SAE1: variants seen among roughly 807,000 people sequenced by gnomAD.
SAE1 encodes the protein SUMO-activating enzyme subunit 1.
In SAE1, 11 loss-of-function variants were observed where a neutral mutation model predicts 40.6. The ratio of observed to expected loss-of-function variants is 0.27; its 90% CI spans 0.17 to 0.45. The LOEUF is 0.45. Ranked by LOEUF, SAE1 falls within the 20% of genes least tolerant of loss-of-function variation. SAE1 has a pLI of 1.00. For synonymous variants in SAE1, 155 were observed against 154.3 expected (o/e 1.00, Z -0.03); for missense variants, 373 against 427.3 (o/e 0.87, Z 1.12).
intron 1 of SAE1, chr19:47,135,545 C>T (rs762484132): frequency 1.3e-5 from 2 of 152,074 alleles, no homozygotes; most frequent in Non-Finnish European, 2.9e-5. Context: ...CTCTCTGTCG[C>T]GCAGACTAGA....
rs919017189 is a variant in SAE1 at position 47,144,515 on chromosome 19, C to T, written c.210+910C>T. On this transcript the variant is annotated intron_variant, in intron 2 of 8. Transcript: ENST00000270225. Reference sequence around the variant, plus strand: ...GAGATCGAGACCATCCTGGCTAGCACGGTGAAACCCCATCACTACTAAAGA... The same window carrying T: ...GAGATCGAGACCATCCTGGCTAGCATGGTGAAACCCCATCACTACTAAAGA... Among the ~76,000 whole-genome samples, 4 of 151,564 alleles carry T rather than the reference C, an allele frequency of 2.6e-5. No individual in the cohort carries two copies. The South Asian group carries it at 6.2e-4, about 24-fold the overall frequency.
At chr19:47,168,474 G>A (rs572047635) in intron 5 of SAE1, among the ~76,000 whole-genome samples, 9 of 152,008 alleles carry the variant, frequency 5.9e-5, no homozygotes, top group Admixed American at 5.9e-4. Context: ...CAGCTAACTT[G>A]TAGAGATTGG....
At chr19:47,151,300 C>T (rs1188597152) in intron 3 of SAE1, among the ~76,000 whole-genome samples, 1 of 151,340 alleles carries the variant, frequency 6.6e-6, no homozygotes, top group Non-Finnish European at 1.5e-5. Context: ...CAGGCACTCA[C>T]CACCATGCTG....
intron 5 of SAE1, among the ~76,000 whole-genome samples, chr19:47,164,063 C>T (rs1443305544): frequency 6.6e-6 from 1 of 152,202 alleles, no homozygotes; most frequent in African/African-American, 2.4e-5. Context: ...GCCATTGCAC[C>T]TGGCTTGTAT....
At chr19:47,150,880 T>C (rs550646588) in intron 3 of SAE1, among the ~76,000 whole-genome samples, 1 of 152,296 alleles carries the variant, frequency 6.6e-6, no homozygotes, top group Admixed American at 6.5e-5. Context: ...CATGTTGCCA[T>C]GGATAACTAG....
chr19:47,206,612 G>C (rs2058687937), intron 8 of SAE1, among the ~76,000 whole-genome samples: 1 of 152,178 alleles, frequency 6.6e-6, no homozygotes, highest in Non-Finnish European at 1.5e-5. Flanking sequence ...TCTATGGTAA[G>C]AGAGGTGATA....
At chr19:47,183,670 T>C (rs1441641019) in intron 6 of SAE1, among the ~76,000 whole-genome samples, 1 of 152,186 alleles carries the variant, frequency 6.6e-6, no homozygotes, top group Non-Finnish European at 1.5e-5. Flanking sequence ...AGCCTGTGTT[T>C]GAGCTGCTCA....
chr19:47,154,246 A>G (rs1174091253), intron 4 of SAE1, among the ~76,000 whole-genome samples: 5 of 151,368 alleles, frequency 3.3e-5, no homozygotes, highest in African/African-American at 1.2e-4. Flanking sequence ...ACCCGCCACC[A>G]TGCCCGGCAA....
At chr19:47,205,443 A>C (rs548235219) in intron 8 of SAE1, among the ~76,000 whole-genome samples, 13 of 151,968 alleles carry the variant, frequency 8.6e-5, no homozygotes, top group African/African-American at 2.4e-4. Context: ...GGGGAAGAAA[A>C]GTGTGCAATG....
intron 1 of SAE1, among the ~76,000 whole-genome samples, chr19:47,138,913 G>T (rs994083667): frequency 6.6e-6 from 1 of 152,154 alleles, no homozygotes; most frequent in African/African-American, 2.4e-5. Flanking sequence ...TTTAAATTAG[G>T]TGGCCAGTAT....
intron 8 of SAE1, among the ~76,000 whole-genome samples, chr19:47,204,290 C>T (rs1443873125): frequency 3.3e-5 from 5 of 149,728 alleles, no homozygotes; most frequent in South Asian, 2.1e-4. Context: ...CTCCACCTCC[C>T]GGGTTCACGC....
chr19:47,143,312 T>G (rs940535517), intron 1 of SAE1, among the ~76,000 whole-genome samples, 182 bp from the exon 2 acceptor site: 3 of 152,002 alleles, frequency 2.0e-5, no homozygotes, highest in African/African-American at 7.2e-5. Flanking sequence ...ACCGTGTTGG[T>G]CAGGCTGGTC....
chr19:47,187,922 C>G (rs1205987506), intron 6 of SAE1, among the ~76,000 whole-genome samples: 2 of 152,126 alleles, frequency 1.3e-5, no homozygotes, highest in East Asian at 1.9e-4. Context: ...TTTTGAGTGC[C>G]TGCTATGGGG....
chr19:47,159,664 C>T (rs1568593381), intron 5 of SAE1, among the ~76,000 whole-genome samples: 2 of 151,836 alleles, frequency 1.3e-5, no homozygotes, highest in South Asian at 2.1e-4. Context: ...TTACAGACAT[C>T]CACTACACCT....
chr19:47,166,962 T>C (rs1266469471), intron 5 of SAE1, among the ~76,000 whole-genome samples: 2 of 152,144 alleles, frequency 1.3e-5, no homozygotes, highest in African/African-American at 4.8e-5. Context: ...TTGAACTTTT[T>C]TTTTTTTGAG....
At chr19:47,150,932 G>A (rs1379995356) in intron 3 of SAE1, among the ~76,000 whole-genome samples, 1 of 152,172 alleles carries the variant, frequency 6.6e-6, no homozygotes, top group Non-Finnish European at 1.5e-5. Context: ...GGCATATCCA[G>A]CCTCATTTAG....
At chr19:47,187,379 T>C (rs2058550620) in intron 6 of SAE1, among the ~76,000 whole-genome samples, 1 of 152,244 alleles carries the variant, frequency 6.6e-6, no homozygotes, top group Non-Finnish European at 1.5e-5. Context: ...CTGCTGCTGC[T>C]TTTTTCTTTT....
chr19:47,187,417 A>G (rs1600201220), intron 6 of SAE1, among the ~76,000 whole-genome samples: 1 of 152,134 alleles, frequency 6.6e-6, no homozygotes, highest in East Asian at 1.9e-4. Context: ...CATGTGTAGC[A>G]TGTTTGTAAC....
Position 47,130,908 on chromosome 19 carries a change from C to A in SAE1, c.-23C>A. On this transcript the variant is annotated 5_prime_UTR_variant, in exon 1 of 9. In the 5' UTR this introduces an upstream ATG that the reference lacks. Coordinates refer to ENST00000270225, the MANE Select transcript of SAE1 (RefSeq NM_005500.3). ...GCGGTTGGCTTGAGCGGGACCGGAG[C>A]TGAGGCAGGAAGAGCCGGCGCCATG... 1 of 1,548,720 alleles carries A rather than the reference C, an allele frequency of 6.5e-7. No individual in the cohort carries two copies. The highest frequency in any genetic ancestry group is 1.2e-5 in the South Asian group (1 of 83,938).
Sources: gnomAD v4.1 joint callset for allele counts (sites outside exome capture counted in the v4.1 genomes callset) on GRCh38, gnomAD v4.1.1 for gene constraint, MANE v1.5 for transcripts, NCBI Gene and HGNC (gene_info 2026-07-23, HGNC 2026-07-21) for gene names.